The following PIP variants were observed in gnomAD, a reference collection of about 807,000 sequenced individuals.
PIP encodes the protein prolactin-inducible protein.
A neutral mutation model predicts 12.8 loss-of-function variants in PIP; 9 were observed. That is an observed-to-expected ratio of 0.70 (90% CI 0.42 to 1.23). The LOEUF (loss-of-function observed/expected upper bound fraction) is 1.23, where lower values mean the gene tolerates loss of function less well. Among genes scored for constraint, PIP ranks in the 50% most tolerant of loss-of-function variants. The probability of loss-of-function intolerance (pLI) is 0.00; values close to 1 mark genes in which losing one functional copy is unlikely to be tolerated. For synonymous variants in PIP, 60 were observed against 66.1 expected (o/e 0.91, Z 0.45); for missense variants, 172 against 179.5 (o/e 0.96, Z 0.24).
chr7:143,139,304 C>T (rs1003549283), intron 3 of PIP, 115 bp downstream of exon 3: 5 of 844,628 alleles, frequency 5.9e-6, no homozygotes, highest in Non-Finnish European at 1.0e-5. Flanking sequence ...GGCAGAAGGA[C>T]AGAAGGGAGG....
intron 2 of PIP, among the ~76,000 whole-genome samples, chr7:143,135,502 G>A (rs977693082): frequency 2.0e-5 from 3 of 152,068 alleles, no homozygotes; most frequent in Non-Finnish European, 4.4e-5. Context: ...CGAATCCAGA[G>A]AAGTCTAGGA....
At chr7:143,134,064 C>T (rs568591263) in intron 1 of PIP, among the ~76,000 whole-genome samples, 11 of 150,822 alleles carry the variant, frequency 7.3e-5, no homozygotes, top group South Asian at 2.1e-4. Context: ...TGAGAACATA[C>T]GATGTTTGGT....
chr7:143,136,949 T>A (rs1180443460), intron 2 of PIP, among the ~76,000 whole-genome samples: 1 of 151,706 alleles, frequency 6.6e-6, no homozygotes, highest in African/African-American at 2.4e-5. Context: ...TTTTTCAAAG[T>A]ATAACTATTT....
At position 143,135,267 on chromosome 7, in the gene PIP, G is replaced by T. The variant is rs754050246; in HGVS notation, c.169G>T (p.Ala57Ser). The change falls in exon 2 of 4, where the codon GCA (alanine) becomes TCA (serine). Residue 57 changes from alanine (A) to serine (S), a missense_variant. Coordinates refer to ENST00000291009, the MANE Select transcript of PIP (RefSeq NM_002652.3). ...RPNDEVTAVL[A>S]VQTELKECMV... Reference sequence around the variant, plus strand: ...AAATGACGAAGTCACTGCAGTGCTTGCAGTTCAAACAGAATTGAAAGAATG... The same window carrying T: ...AAATGACGAAGTCACTGCAGTGCTTTCAGTTCAAACAGAATTGAAAGAATG... The T allele has an allele frequency of 1.3e-6, 2 of 1,598,404 alleles. No homozygotes were observed. Among genetic ancestry groups the T allele is most frequent in the East Asian group, 2.2e-5 (1 of 44,826 alleles).
At chr7:143,135,163 T>G (rs976752352) in intron 1 of PIP, 31 bp from the exon 2 acceptor site, 3 of 1,182,302 alleles carry the variant, frequency 2.5e-6, no homozygotes, top group Admixed American at 1.7e-5. Context: ...TCTCTGATCC[T>G]GGTGTTCTGA....
At chr7:143,132,803 A>G (rs529115095) in intron 1 of PIP, among the ~76,000 whole-genome samples, 1 of 152,244 alleles carries the variant, frequency 6.6e-6, no homozygotes, top group East Asian at 1.9e-4. Flanking sequence ...TATTGAGAAC[A>G]CATGTGTGAA....
In PIP at chr7:143,133,615, C is replaced by T. The variant is rs113422837; in HGVS notation, c.95+1404C>T. Among the ~76,000 whole-genome samples the T allele has an allele frequency of 3.9e-3, 599 of 152,102 alleles. 4 individuals carry two copies. Among genetic ancestry groups the T allele is most frequent in the African/African-American group, 0.014 (575 of 41,514 alleles). On this transcript the variant is annotated intron_variant, in intron 1 of 3. Transcript: ENST00000291009. Reference sequence around the variant, plus strand: ...CATTTTATTTGTCTCCATTTCCTTTCCTTTTCAGATTGCAGTGTATGGTCT... The same window carrying T: ...CATTTTATTTGTCTCCATTTCCTTTTCTTTTCAGATTGCAGTGTATGGTCT...
At chr7:143,138,927 A>G in intron 2 of PIP, 148 bp from the exon 3 acceptor site, 1 of 615,612 alleles carries the variant, frequency 1.6e-6, no homozygotes, top group Non-Finnish European at 2.9e-6. Context: ...TGGCTCCTGA[A>G]ATGATACTAC....
Position 143,134,183 on chromosome 7 carries a change from CATATATATATATATATATATATAT to C in PIP, c.96-983_96-960del, listed in dbSNP as rs60656573. ...TTATGGCTGAGTAGTAGTATTCCAT[CATATATATATATATATATATATAT>C]ATATATATATATATATATATATATA... is the stretch of plus-strand genomic sequence containing the variant. On this transcript the variant is annotated intron_variant, in intron 1 of 3. Coordinates refer to ENST00000291009, the MANE Select transcript of PIP (RefSeq NM_002652.3). Among the ~76,000 whole-genome samples the C allele has an allele frequency of 7.6e-3, 317 of 41,662 alleles. 7 individuals carry two copies. Among genetic ancestry groups the C allele is most frequent in the Middle Eastern group, 0.015 (1 of 68 alleles). The allele number at this position is 41,662 out of a possible 152,430, so 27.3% of individuals were successfully genotyped here.
intron 2 of PIP, among the ~76,000 whole-genome samples, chr7:143,136,304 CA>C (rs1316661822): frequency 3.3e-5 from 5 of 152,046 alleles, no homozygotes; most frequent in African/African-American, 4.8e-5. Flanking sequence ...TTCTATCAGG[CA>C]GCACAAGTAT....
At position 143,132,753 on chromosome 7, in the gene PIP, C is replaced by A. The variant is rs755949072; in HGVS notation, c.95+542C>A. Among the ~76,000 whole-genome samples the A allele has an allele frequency of 1.3e-4, 20 of 152,014 alleles. 1 individual carries two copies. The highest frequency in any genetic ancestry group is 2.8e-4 in the Non-Finnish European group (19 of 67,984). On this transcript the variant is annotated intron_variant, in intron 1 of 3. Transcript: ENST00000291009. ...TGAATATGATGACCTCTTGCTCTCA[C>A]GTATACTGGGACCTGAGAGCACAGG... is the stretch of plus-strand genomic sequence containing the variant.
intron 2 of PIP, 34 bp downstream of exon 2, chr7:143,135,333 A>G: frequency 1.1e-6 from 1 of 907,164 alleles, no homozygotes; most frequent in Non-Finnish European, 1.8e-6. Context: ...ACTTCAAAAG[A>G]TAATTCAACT....
chr7:143,139,301 G>A, intron 3 of PIP, 112 bp downstream of exon 3: 1 of 841,746 alleles, frequency 1.2e-6, no homozygotes, highest in East Asian at 2.4e-5. Context: ...CAGGGCAGAA[G>A]GACAGAAGGG....
chr7:143,132,864 G>A (rs889561684), intron 1 of PIP, among the ~76,000 whole-genome samples: 1 of 152,072 alleles, frequency 6.6e-6, no homozygotes, highest in African/African-American at 2.4e-5. Flanking sequence ...TGGAGCCAAG[G>A]GTCTGGGAGA....
chr7:143,134,233 T>TATATAAA (rs1277832613), intron 1 of PIP, among the ~76,000 whole-genome samples: 1 of 86,374 alleles, frequency 1.2e-5, no homozygotes, highest in Admixed American at 1.3e-4. Context: ...TATATATATA[T>TATATAAA]ACCACAGTTT....
At position 143,139,286 on chromosome 7, in the gene PIP, G is replaced by A. The variant is rs534127357; in HGVS notation, c.316+97G>A. On this transcript the variant is annotated intron_variant, in intron 3 of 3. Coordinates refer to ENST00000291009, the MANE Select transcript of PIP (RefSeq NM_002652.3). ...ATGGCTGCGAACCGAGCAGGACCAG[G>A]ACCTCAGGGCAGAAGGACAGAAGGG... 6.8e-6 allele frequency: 6 copies of A among 883,718 alleles called. No individual in the cohort carries two copies. In the Admixed American group the frequency reaches 8.7e-5, roughly 13 times the overall value. 54.7% of individuals were successfully genotyped at this position (883,718 alleles called of 1,614,324 possible).
intron 1 of PIP, among the ~76,000 whole-genome samples, chr7:143,134,233 T>C (rs192230863): frequency 2.5e-3 from 217 of 86,374 alleles, no homozygotes; most frequent in Middle Eastern, 6.4e-3. Context: ...TATATATATA[T>C]ACCACAGTTT....
intron 1 of PIP, among the ~76,000 whole-genome samples, chr7:143,133,450 G>A (rs1257703343): frequency 6.6e-6 from 1 of 152,090 alleles, no homozygotes; most frequent in Non-Finnish European, 1.5e-5. Context: ...ATGGGGCTGT[G>A]AGACACTGTG....
intron 2 of PIP, 122 bp downstream of exon 2, chr7:143,135,421 T>C: frequency 2.0e-6 from 1 of 499,478 alleles, no homozygotes; most frequent in Admixed American, 3.0e-5. Context: ...ACTTATGTTA[T>C]GCTACTTGAG....
Sources: allele counts gnomAD v4.1 joint callset (sites outside exome capture counted in the v4.1 genomes callset), GRCh38; gene constraint gnomAD v4.1.1; transcripts MANE v1.5; gene names NCBI Gene and HGNC (gene_info 2026-07-23, HGNC 2026-07-21).